PTPRD: variants seen among roughly 807,000 people sequenced by gnomAD.
The protein encoded by PTPRD is protein tyrosine phosphatase receptor type D.
PTPRD carries 34 observed loss-of-function variants against 214.5 expected under a neutral mutation model. That is an observed-to-expected ratio of 0.16 (90% CI 0.12 to 0.21). The LOEUF is 0.21. Among genes scored for constraint, PTPRD ranks in the 10% least tolerant of loss-of-function variants. PTPRD has a pLI of 1.00. For synonymous variants in PTPRD, 1,128 were observed against 845.7 expected (o/e 1.33, Z -5.79); for missense variants, 2,545 against 2,398.7 (o/e 1.06, Z -1.27).
In PTPRD at chr9:10,011,496, A is replaced by G. The variant is rs147188874; in HGVS notation, c.-472+22222T>C. Among the ~76,000 whole-genome samples the G allele has an allele frequency of 1.6e-3, 237 of 152,074 alleles. 2 individuals are homozygous for G. In the Middle Eastern group the frequency reaches 0.017, roughly 11 times the overall value. ...GCATAAGTATCTTAAATTAGTTTTCATTGACTCCTCTACTTTATTTAACAA... is the reference window on the plus strand; with the variant it reads ...GCATAAGTATCTTAAATTAGTTTTCGTTGACTCCTCTACTTTATTTAACAA... On this transcript the variant is annotated intron_variant, in intron 4 of 45. Coordinates refer to ENST00000381196, the MANE Select transcript of PTPRD (RefSeq NM_002839.4).
intron 9 of PTPRD, among the ~76,000 whole-genome samples, chr9:9,339,771 C>T (rs942938597): frequency 2.0e-5 from 3 of 152,066 alleles, no homozygotes. Flanking sequence ...TAAATGATTG[C>T]TTCAGAATGA....
chr9:9,224,502 TG>T (rs1011934717), intron 9 of PTPRD, among the ~76,000 whole-genome samples: 1 of 151,902 alleles, frequency 6.6e-6, no homozygotes, highest in African/African-American at 2.4e-5. Context: ...GTGCTGAAAA[TG>T]GGGGATAATA....
At chr9:10,612,226 A>AAG (rs1288848756) in intron 2 of PTPRD, among the ~76,000 whole-genome samples, 172 bp downstream of exon 2, 4 of 149,454 alleles carry the variant, frequency 2.7e-5, no homozygotes, top group Non-Finnish European at 3.0e-5. Flanking sequence ...AAAAAAAAAG[A>AAG]AAAAAATGCT....
chr9:10,424,908 T>C (rs1323744413), intron 2 of PTPRD, among the ~76,000 whole-genome samples: 2 of 152,036 alleles, frequency 1.3e-5, no homozygotes, highest in East Asian at 1.9e-4. Flanking sequence ...ATTAAATGAA[T>C]AGTCTTACTC....
At chr9:8,671,624 C>G (rs1386148366) in intron 12 of PTPRD, among the ~76,000 whole-genome samples, 1 of 152,112 alleles carries the variant, frequency 6.6e-6, no homozygotes, top group Non-Finnish European at 1.5e-5. Flanking sequence ...AATGCCTACA[C>G]TGAATACGGA....
intron 4 of PTPRD, among the ~76,000 whole-genome samples, chr9:9,960,465 G>T (rs1406835090): frequency 6.6e-6 from 1 of 152,096 alleles, no homozygotes; most frequent in Non-Finnish European, 1.5e-5. Context: ...TATGGAAAGG[G>T]GGGACAGGAG....
chr9:9,862,434 G>C (rs1482844406), intron 5 of PTPRD, among the ~76,000 whole-genome samples: 1 of 152,172 alleles, frequency 6.6e-6, no homozygotes, highest in Non-Finnish European at 1.5e-5. Flanking sequence ...AGTTCTTCAA[G>C]ATATGAAGTG....
At chr9:9,801,175 AAATATAAAAGC>A (rs2099037371) in intron 5 of PTPRD, among the ~76,000 whole-genome samples, 1 of 152,122 alleles carries the variant, frequency 6.6e-6, no homozygotes, top group Non-Finnish European at 1.5e-5. Context: ...TTTTAGTGAC[AAATATAAAAGC>A]AATTTTTAAA....
At chr9:9,635,612 C>T (rs1398229349) in intron 7 of PTPRD, among the ~76,000 whole-genome samples, 1 of 152,170 alleles carries the variant, frequency 6.6e-6, no homozygotes, top group African/African-American at 2.4e-5. Context: ...TGCAGTACTC[C>T]TGTAACCTGT....
At chr9:9,043,447 G>T (rs922727012) in intron 10 of PTPRD, among the ~76,000 whole-genome samples, 1 of 152,100 alleles carries the variant, frequency 6.6e-6, no homozygotes, top group Non-Finnish European at 1.5e-5. Flanking sequence ...TGACCTCGAG[G>T]TCACCATAAC....
intron 14 of PTPRD, among the ~76,000 whole-genome samples, chr9:8,550,055 T>C (rs1235485064): frequency 6.6e-6 from 1 of 152,142 alleles, no homozygotes; most frequent in African/African-American, 2.4e-5. Flanking sequence ...TAACAGGGAA[T>C]CAGTCAGAAT....
intron 12 of PTPRD, among the ~76,000 whole-genome samples, chr9:8,667,875 C>T (rs948529992): frequency 6.6e-6 from 1 of 152,064 alleles, no homozygotes; most frequent in African/African-American, 2.4e-5. Context: ...GCAATTAATG[C>T]AGTTTCAGTA....
At chr9:8,849,333 G>A (rs1240823107) in intron 11 of PTPRD, among the ~76,000 whole-genome samples, 1 of 151,934 alleles carries the variant, frequency 6.6e-6, no homozygotes, top group East Asian at 1.9e-4. Flanking sequence ...GTGCCACCAT[G>A]TCCAGATAAT....
At chr9:10,421,503 C>A (rs1353431174) in intron 2 of PTPRD, among the ~76,000 whole-genome samples, 1 of 151,730 alleles carries the variant, frequency 6.6e-6, no homozygotes, top group Non-Finnish European at 1.5e-5. Context: ...AATAAAATAC[C>A]ATTTCCATTT....
At chr9:9,215,323 G>C (rs1368291078) in intron 9 of PTPRD, among the ~76,000 whole-genome samples, 1 of 152,066 alleles carries the variant, frequency 6.6e-6, no homozygotes, top group Non-Finnish European at 1.5e-5. Flanking sequence ...GAAAGTTATG[G>C]AGCTACAAGA....
chr9:10,488,958 C>T (rs2099150701), intron 2 of PTPRD, among the ~76,000 whole-genome samples: 1 of 152,148 alleles, frequency 6.6e-6, no homozygotes, highest in Non-Finnish European at 1.5e-5. Context: ...CCCACTGTAT[C>T]TTAGCTGGTA....
chr9:8,576,274 T>C (rs2092346066), intron 14 of PTPRD, among the ~76,000 whole-genome samples: 1 of 152,172 alleles, frequency 6.6e-6, no homozygotes, highest in South Asian at 2.1e-4. Context: ...TATAAACACA[T>C]AATACTAAGT....
intron 3 of PTPRD, among the ~76,000 whole-genome samples, chr9:10,086,756 A>G (rs563411754): frequency 1.3e-5 from 2 of 151,934 alleles, no homozygotes; most frequent in South Asian, 2.1e-4. Flanking sequence ...CAAAAATGCA[A>G]ACACAACTTC....
intron 3 of PTPRD, among the ~76,000 whole-genome samples, chr9:10,307,910 G>C (rs1362080436): frequency 2.6e-5 from 4 of 151,368 alleles, no homozygotes; most frequent in Non-Finnish European, 5.9e-5. Context: ...GTTTTTATTG[G>C]GATTATTTGA....
Sources: allele counts gnomAD v4.1 joint callset (sites outside exome capture counted in the v4.1 genomes callset), GRCh38; gene constraint gnomAD v4.1.1; transcripts MANE v1.5; gene names NCBI Gene and HGNC (gene_info 2026-07-23, HGNC 2026-07-21).